Variants in RAB18 observed in about 807,000 individuals in gnomAD.
RAB18 encodes ras-related protein Rab-18.
In RAB18, 10 loss-of-function variants were observed where a neutral mutation model predicts 28.5. The observed-to-expected ratio is 0.35, with a 90% CI of 0.22 to 0.60. The LOEUF (loss-of-function observed/expected upper bound fraction) is 0.60, where lower values mean the gene tolerates loss of function less well. Among genes scored for constraint, RAB18 ranks in the 20% least tolerant of loss-of-function variants. The probability of loss-of-function intolerance (pLI) is 0.78; values close to 1 mark genes in which losing one functional copy is unlikely to be tolerated. For missense variants in RAB18, 188 were observed against 244.2 expected (o/e 0.77, Z 1.53); for synonymous variants, 93 against 86.9 (o/e 1.07, Z -0.39).
intron 3 of RAB18, chr10:27,531,424 T>C (rs1451627993): frequency 2.8e-6 from 4 of 1,429,402 alleles, no homozygotes; most frequent in Non-Finnish European, 3.7e-6. Flanking sequence ...CATTTTTATA[T>C]CTGGGGGAGC....
chr10:27,534,864 G>A (rs960107568), intron 6 of RAB18, among the ~76,000 whole-genome samples: 2 of 152,216 alleles, frequency 1.3e-5, no homozygotes, highest in African/African-American at 4.8e-5. Flanking sequence ...GGAAAGTATT[G>A]AGATTTTCAG....
chr10:27,507,900 G>A (rs910428840), intron 1 of RAB18, among the ~76,000 whole-genome samples: 5 of 151,530 alleles, frequency 3.3e-5, no homozygotes, highest in South Asian at 2.1e-4. Context: ...AAAATTAGCC[G>A]GCCATGGTGA....
At chr10:27,530,111 C>A (rs912976363) in intron 3 of RAB18, among the ~76,000 whole-genome samples, 1 of 151,944 alleles carries the variant, frequency 6.6e-6, no homozygotes, top group African/African-American at 2.4e-5. Flanking sequence ...CCAGAGAGAA[C>A]AAAGTTCATG....
chr10:27,532,601 C>A (rs758119424), intron 4 of RAB18, 22 bp downstream of exon 4: 1 of 1,523,090 alleles, frequency 6.6e-7, no homozygotes, highest in South Asian at 1.1e-5. Flanking sequence ...CTTTAATGTA[C>A]TATTTAAAAA....
At chr10:27,507,561 T>G (rs1228851088) in intron 1 of RAB18, among the ~76,000 whole-genome samples, 1 of 151,688 alleles carries the variant, frequency 6.6e-6, no homozygotes, top group Non-Finnish European at 1.5e-5. Flanking sequence ...TTTTTTTTTT[T>G]TGGTGAATTT....
At chr10:27,532,088 C>T (rs1256729485) in intron 3 of RAB18, among the ~76,000 whole-genome samples, 8 of 151,638 alleles carry the variant, frequency 5.3e-5, no homozygotes, top group Non-Finnish European at 1.2e-4. Flanking sequence ...CAGTGGTTCT[C>T]AGCCTTGATT....
At chr10:27,508,036 AGT>A (rs1199512592) in intron 1 of RAB18, among the ~76,000 whole-genome samples, 2 of 148,242 alleles carry the variant, frequency 1.3e-5, no homozygotes, top group Non-Finnish European at 3.0e-5. Flanking sequence ...AAAAAAAAAA[AGT>A]GTGCTTCTTA....
chr10:27,539,005 A>G lies in RAB18; in HGVS notation c.*954A>G, dbSNP rs1323129693. 1 of 431,790 alleles carries G rather than the reference A, an allele frequency of 2.3e-6. No homozygotes were observed. The highest frequency in any genetic ancestry group is 1.6e-5 in the South Asian group (1 of 61,630). 26.7% of individuals were successfully genotyped at this position (431,790 alleles called of 1,614,324 possible). On this transcript the variant is annotated 3_prime_UTR_variant, in exon 7 of 7. Coordinates refer to ENST00000356940, the MANE Select transcript of RAB18 (RefSeq NM_021252.5). Reference sequence around the variant, plus strand: ...CTGTGTTTTGAGGGGTGGGGAAAAAAAACACTAAGTGATAATTTGAAAAAG... The same window carrying G: ...CTGTGTTTTGAGGGGTGGGGAAAAAGAACACTAAGTGATAATTTGAAAAAG...
intron 3 of RAB18, among the ~76,000 whole-genome samples, chr10:27,530,490 A>C (rs536600522): frequency 3.3e-5 from 5 of 151,554 alleles, no homozygotes; most frequent in Non-Finnish European, 5.9e-5. Context: ...AACATGGTGC[A>C]GTTCTCAAAG....
chr10:27,527,474 A>T (rs1834698322), intron 3 of RAB18, among the ~76,000 whole-genome samples: 2 of 151,982 alleles, frequency 1.3e-5, no homozygotes, highest in South Asian at 4.1e-4. Flanking sequence ...AATATCCAAG[A>T]TGCTTAGTGT....
At chr10:27,519,459 T>G (rs1452549289) in intron 2 of RAB18, among the ~76,000 whole-genome samples, 2 of 152,014 alleles carry the variant, frequency 1.3e-5, no homozygotes, top group Non-Finnish European at 2.9e-5. Flanking sequence ...TGCATCCAGA[T>G]TGGAAAAGAA....
intron 1 of RAB18, chr10:27,505,273 T>C (rs1157267266): frequency 2.3e-6 from 1 of 432,190 alleles, no homozygotes; most frequent in African/African-American, 2.0e-5. Context: ...GCTGATGTCA[T>C]TCTTGCCATC....
intron 2 of RAB18, among the ~76,000 whole-genome samples, chr10:27,514,601 A>G (rs1834394200): frequency 6.6e-6 from 1 of 152,200 alleles, no homozygotes; most frequent in Non-Finnish European, 1.5e-5. Flanking sequence ...GTTAAAACGA[A>G]TTAGAAAATG....
chr10:27,519,946 T>C (rs1238002789), intron 2 of RAB18, among the ~76,000 whole-genome samples: 1 of 152,212 alleles, frequency 6.6e-6, no homozygotes, highest in African/African-American at 2.4e-5. Context: ...GTGTATATCA[T>C]GTTGAGGAAA....
In RAB18 at chr10:27,538,157, G is replaced by A. The variant is rs1163215189; in HGVS notation, c.*106G>A. On this transcript the variant is annotated 3_prime_UTR_variant, in exon 7 of 7. Coordinates refer to ENST00000356940, the MANE Select transcript of RAB18 (RefSeq NM_021252.5). ...GGGACCTTGCAGTTTGCACATAATT[G>A]TTTTATATCATAGCAGTAAATATTT... 1 of 1,421,458 alleles carries A rather than the reference G, an allele frequency of 7.0e-7. No individual in the cohort carries two copies. The highest frequency in any genetic ancestry group is 1.4e-5 in the African/African-American group (1 of 71,028). The allele number at this position is 1,421,458 out of a possible 1,614,324, so 88.1% of individuals were successfully genotyped here.
At chr10:27,532,403 A>C (rs545567679) in intron 3 of RAB18, 104 bp from the exon 4 acceptor site, 1 of 825,616 alleles carries the variant, frequency 1.2e-6, no homozygotes, top group East Asian at 2.6e-5. Flanking sequence ...GAGCTCATGC[A>C]TTAATACTAT....
chr10:27,513,032 A>ATAT (rs1190171231), intron 2 of RAB18, among the ~76,000 whole-genome samples: 9 of 142,584 alleles, frequency 6.3e-5, no homozygotes, highest in East Asian at 2.2e-4. Flanking sequence ...ATATATATAT[A>ATAT]TTTTTTTTTT....
intron 1 of RAB18, among the ~76,000 whole-genome samples, chr10:27,506,224 G>T (rs55819835): frequency 0.038 from 5,748 of 152,228 alleles, 165 homozygotes; most frequent in Non-Finnish European, 0.059. Context: ...TACATGGTTG[G>T]TTAGCACTTT....
At chr10:27,517,631 C>T (rs199502627) in intron 2 of RAB18, among the ~76,000 whole-genome samples, 40 of 152,292 alleles carry the variant, frequency 2.6e-4, no homozygotes, top group African/African-American at 9.1e-4. Flanking sequence ...TTTATTCTTT[C>T]AGAAAATATG....
Sources: allele counts gnomAD v4.1 joint callset (sites outside exome capture counted in the v4.1 genomes callset), GRCh38; gene constraint gnomAD v4.1.1; transcripts MANE v1.5; gene names NCBI Gene and HGNC (gene_info 2026-07-23, HGNC 2026-07-21).